Variants in SLC16A2 observed in about 807,000 individuals in gnomAD.
SLC16A2 encodes the protein solute carrier family 16 member 2, also known as monocarboxylate transporter 8.
A neutral mutation model predicts 27.2 loss-of-function variants in SLC16A2; 3 were observed. The observed-to-expected ratio is 0.11, with a 90% CI of 0.05 to 0.28. The LOEUF (loss-of-function observed/expected upper bound fraction) is 0.28, where lower values mean the gene tolerates loss of function less well. Ranked by LOEUF, SLC16A2 falls within the 10% of genes least tolerant of loss-of-function variation. The pLI, the probability that SLC16A2 is intolerant of heterozygous loss-of-function variation, is 1.00. For missense variants in SLC16A2, 295 were observed against 458.5 expected (o/e 0.64, Z 3.26); for synonymous variants, 202 against 187.8 (o/e 1.08, Z -0.62).
intron 1 of SLC16A2, among the ~76,000 whole-genome samples, chrX:74,499,432 T>A (rs1183610084): frequency 9.1e-6 from 1 of 109,944 alleles, no homozygotes; most frequent in Non-Finnish European, 1.9e-5. Context: ...CAATAATTTC[T>A]TTTTTCTTTT....
chrX:74,459,419 C>G (rs958287036), intron 1 of SLC16A2, among the ~76,000 whole-genome samples: 12 of 104,670 alleles, frequency 1.1e-4, no homozygotes, highest in Non-Finnish European at 1.9e-4. Flanking sequence ...CAGGGAGAGA[C>G]TGTACCCCAG....
At chrX:74,518,600 A>G (rs1207845536) in intron 1 of SLC16A2, among the ~76,000 whole-genome samples, 1 of 111,071 alleles carries the variant, frequency 9.0e-6, no homozygotes, top group Non-Finnish European at 1.9e-5. Context: ...AAGAAAAAAA[A>G]AAAAGAAAAA....
At chrX:74,508,774 G>A (rs781211946) in intron 1 of SLC16A2, among the ~76,000 whole-genome samples, 1 of 111,180 alleles carries the variant, frequency 9.0e-6, no homozygotes, top group Non-Finnish European at 1.9e-5. Context: ...CATGTGTCAC[G>A]GGGGTTTGTT....
At chrX:74,422,409 G>A (rs1928322592) in intron 1 of SLC16A2, among the ~76,000 whole-genome samples, 1 of 110,394 alleles carries the variant, frequency 9.1e-6, no homozygotes, top group Non-Finnish European at 1.9e-5. Context: ...TGTGCTGGGG[G>A]AAAATATTTG....
intron 5 of SLC16A2, 78 bp from the exon 6 acceptor site, chrX:74,531,255 G>A (rs1930564117): frequency 3.6e-6 from 3 of 832,305 alleles, no homozygotes; most frequent in Admixed American, 2.3e-5. Flanking sequence ...GCACTGTGAT[G>A]GCCCCTAGAA....
At chrX:74,495,322 G>T (rs754445681) in intron 1 of SLC16A2, among the ~76,000 whole-genome samples, 31 of 110,941 alleles carry the variant, frequency 2.8e-4, no homozygotes, top group Middle Eastern at 4.6e-3. Flanking sequence ...GTCCTCAGCA[G>T]GGGAAAGGGA....
At chrX:74,435,399 A>C (rs1348191777) in intron 1 of SLC16A2, among the ~76,000 whole-genome samples, 1 of 107,335 alleles carries the variant, frequency 9.3e-6, no homozygotes, top group Admixed American at 1.0e-4. Flanking sequence ...TAATACATTT[A>C]ATATTTAGCA....
intron 1 of SLC16A2, among the ~76,000 whole-genome samples, chrX:74,495,933 C>G (rs1018743227): frequency 1.4e-4 from 16 of 111,185 alleles, no homozygotes; most frequent in Non-Finnish European, 2.5e-4. Context: ...AGCCAAGTCC[C>G]TGCTCCCGAT....
chrX:74,451,600 C>T (rs770647579), intron 1 of SLC16A2, among the ~76,000 whole-genome samples: 6 of 112,326 alleles, frequency 5.3e-5, no homozygotes, highest in Admixed American at 9.4e-5. Flanking sequence ...TAAAGTGACA[C>T]GGAAAATTGA....
rs762796877 is a variant in SLC16A2 at position 74,507,033 on chromosome X, C to T, written c.431-13957C>T. Among the ~76,000 whole-genome samples, 6 of 107,945 alleles carry T rather than the reference C, an allele frequency of 5.6e-5. No individual in the cohort carries two copies. The East Asian group carries it at 1.1e-3, about 21-fold the overall frequency. The allele number at this position is 107,945 out of a possible 115,157, so 93.7% of individuals were successfully genotyped here. Reference sequence around the variant, plus strand: ...CTGCAGCCTCGATCTCCTGCTCAAGCGATCCTCCTACCTCAACACCCGCTC... The same window carrying T: ...CTGCAGCCTCGATCTCCTGCTCAAGTGATCCTCCTACCTCAACACCCGCTC... On this transcript the variant is annotated intron_variant, in intron 1 of 5. Transcript: ENST00000587091.
chrX:74,485,690 G>A (rs754110287), intron 1 of SLC16A2, among the ~76,000 whole-genome samples: 1 of 111,067 alleles, frequency 9.0e-6, no homozygotes, highest in Admixed American at 9.6e-5. Context: ...GAAGCCATGG[G>A]TCACAGAAGA....
intron 1 of SLC16A2, among the ~76,000 whole-genome samples, chrX:74,464,748 G>A (rs1929219073): frequency 9.0e-6 from 1 of 111,374 alleles, no homozygotes; most frequent in African/African-American, 3.3e-5. Flanking sequence ...AGGTGCAGTG[G>A]CTCATGCCTG....
intron 1 of SLC16A2, among the ~76,000 whole-genome samples, chrX:74,452,652 A>G (rs1928964447): frequency 9.0e-6 from 1 of 111,384 alleles, no homozygotes; most frequent in African/African-American, 3.3e-5. Context: ...CACATATGTG[A>G]TGTATACATA....
intron 4 of SLC16A2, among the ~76,000 whole-genome samples, chrX:74,527,551 C>T (rs1930502854): frequency 2.7e-5 from 3 of 112,344 alleles, no homozygotes; most frequent in Admixed American, 1.9e-4. Context: ...ATATCTCTGG[C>T]TTCAAGCCCC....
intron 1 of SLC16A2, among the ~76,000 whole-genome samples, chrX:74,512,439 C>T (rs1476939553): frequency 8.9e-6 from 1 of 112,501 alleles, no homozygotes; most frequent in African/African-American, 3.2e-5. Context: ...AGAGCCATCT[C>T]TGCCCCTGTG....
chrX:74,430,651 A>G (rs897723714), intron 1 of SLC16A2, among the ~76,000 whole-genome samples: 2 of 112,521 alleles, frequency 1.8e-5, no homozygotes, highest in Non-Finnish European at 3.7e-5. Context: ...AAATCAAAAA[A>G]TAACAGGTAC....
intron 1 of SLC16A2, among the ~76,000 whole-genome samples, chrX:74,439,186 T>TTC (rs1555981279): frequency 0.03 from 1,533 of 50,991 alleles, 27 homozygotes; most frequent in East Asian, 0.11. Context: ...CTTTCTTTCT[T>TTC]TTTCTTTCTT....
intron 1 of SLC16A2, among the ~76,000 whole-genome samples, chrX:74,449,897 C>T (rs764984917): frequency 2.7e-5 from 3 of 111,687 alleles, no homozygotes; most frequent in African/African-American, 6.5e-5. Flanking sequence ...AAGCTTCCTT[C>T]ACTTCTTCCC....
chrX:74,433,786 A>G (rs1928574320), intron 1 of SLC16A2, among the ~76,000 whole-genome samples: 2 of 112,099 alleles, frequency 1.8e-5, no homozygotes, highest in Non-Finnish European at 3.8e-5. Context: ...CCTTACATTC[A>G]TACTGCTACT....
Sources: allele counts gnomAD v4.1 joint callset (sites outside exome capture counted in the v4.1 genomes callset), GRCh38; gene constraint gnomAD v4.1.1; transcripts MANE v1.5; gene names NCBI Gene and HGNC (gene_info 2026-07-23, HGNC 2026-07-21).